EBF4: variants seen among roughly 807,000 people sequenced by gnomAD.
EBF4 encodes the protein EBF transcription factor 4, also known as transcription factor COE4.
Under a neutral mutation model 67.1 loss-of-function variants are expected in EBF4, and 34 were observed. The observed-to-expected ratio is 0.51, with a 90% confidence interval of 0.39 to 0.67. The LOEUF (loss-of-function observed/expected upper bound fraction) is 0.67. EBF4 is among the 30% of genes least tolerant of loss of function. The probability of loss-of-function intolerance (pLI) is 0.00; values close to 1 mark genes in which losing one functional copy is unlikely to be tolerated. For missense variants in EBF4, 837 were observed against 873.3 expected, an observed-to-expected ratio of 0.96 and a Z score of 0.52; for synonymous variants, 387 against 377.7, an observed-to-expected ratio of 1.02 and a Z score of -0.29.
chr20:2,754,980 A>AGC (rs2088218431), intron 14 of EBF4: 1 of 97,336 alleles, frequency 1.0e-5, no homozygotes, highest in Non-Finnish European at 2.1e-5. Context: ...ACCCCCCCCC[A>AGC]CAGGGCCCAG....
chr20:2,712,176 T>C (rs997749898), intron 6 of EBF4, among the ~76,000 whole-genome samples: 1 of 152,108 alleles, frequency 6.6e-6, no homozygotes, highest in African/African-American at 2.4e-5. Flanking sequence ...TTGAGGGGTG[T>C]TGAGAATGAT....
At position 2,759,261 on chromosome 20, in the gene EBF4, C is replaced by A; in HGVS notation, c.*6-7C>A. ...GACCTTCTTCTCTCCCTCTCTCGCC[C>A]CACCAGGTCTGCAGCTGTTCCCATG... is the stretch of plus-strand genomic sequence containing the variant. On this transcript the variant is annotated splice_region_variant and splice_polypyrimidine_tract_variant and intron_variant, in intron 16 of 16. Transcript: ENST00000609451. 1 of 504,378 alleles carries A rather than the reference C, an allele frequency of 2.0e-6. No homozygotes were observed. Among genetic ancestry groups the A allele is most frequent in the Admixed American group, 3.2e-5 (1 of 31,076 alleles). The allele number at this position is 504,378 out of a possible 1,614,324, so 31.2% of individuals were successfully genotyped here.
intron 6 of EBF4, among the ~76,000 whole-genome samples, chr20:2,736,351 C>T (rs527613498): frequency 6.6e-6 from 1 of 152,274 alleles, no homozygotes; most frequent in East Asian, 1.9e-4. Context: ...CAAAGGTAAG[C>T]TCTGGTCTAC....
At chr20:2,740,761 T>G (rs536418147) in intron 6 of EBF4, among the ~76,000 whole-genome samples, 1 of 151,682 alleles carries the variant, frequency 6.6e-6, no homozygotes, top group Non-Finnish European at 1.5e-5. Flanking sequence ...AAGGAGGTGG[T>G]CTCGGTCGGA....
Position 2,705,836 on chromosome 20 carries a change from C to T in EBF4, c.294+103C>T, listed in dbSNP as rs1000755833. Reference sequence around the variant, plus strand: ...ACACACACACACACACACACACACACACTGGGACAGATGAATGGATGGAAG... The same window carrying T: ...ACACACACACACACACACACACACATACTGGGACAGATGAATGGATGGAAG... On this transcript the variant is annotated intron_variant, in intron 2 of 16. Transcript: ENST00000609451. The T allele has an allele frequency of 6.7e-6, 9 of 1,335,296 alleles. No individual in the cohort carries two copies. In the African/African-American group the frequency reaches 1.5e-4, roughly 22 times the overall value. The allele number at this position is 1,335,296 out of a possible 1,614,324, so 82.7% of individuals were successfully genotyped here. A position where few individuals can be genotyped will look rare whatever the true frequency, so the allele number is the denominator to read the frequency against.
At chr20:2,759,453 G>A (rs2088293496), downstream of EBF4, 3 of 213,478 alleles carry the variant, frequency 1.4e-5, no homozygotes, top group Admixed American at 5.1e-5. Context: ...GGCTTCTCTC[G>A]CCTCCCTGTC....
At chr20:2,742,805 A>T (rs959101209) in intron 6 of EBF4, among the ~76,000 whole-genome samples, 5 of 152,116 alleles carry the variant, frequency 3.3e-5, no homozygotes, top group Admixed American at 2.0e-4. Flanking sequence ...CCCCAGGCTC[A>T]TCCAAGCTTT....
In EBF4 at chr20:2,751,972, G is replaced by T. The variant is rs1222219490; in HGVS notation, c.1158G>T (p.Val386=). ...ACTTGGCAGAAGCCCTGTACGGAGT[G>T]CCCGGCAGTAACCAGGTATGGCGCC... The change falls in exon 12 of 17, where the codon GTG becomes GTT. Residue 386 remains valine (V), a synonymous_variant. Coordinates refer to ENST00000609451, the Ensembl canonical transcript of EBF4. The surrounding 1 kb of genome is among the most constrained non-coding windows in gnomAD (Gnocchi z 5.2). The T allele has an allele frequency of 6.5e-7, 1 of 1,548,496 alleles. No homozygotes were observed. The highest frequency in any genetic ancestry group is 2.4e-5 in the East Asian group (1 of 40,882).
upstream of EBF4, chr20:2,693,540 G>A (rs2146351748): frequency 6.3e-6 from 8 of 1,262,824 alleles, no homozygotes; most frequent in South Asian, 1.5e-4. The surrounding 1 kb of genome is among the most constrained non-coding windows in gnomAD (Gnocchi z 4.6). Context: ...TCGGCGCTGC[G>A]CTGCTGGAGG....
At chr20:2,702,808 C>A (rs2087395181) in intron 1 of EBF4, among the ~76,000 whole-genome samples, 1 of 152,198 alleles carries the variant, frequency 6.6e-6, no homozygotes, top group South Asian at 2.1e-4. Context: ...AGTTCCCCAT[C>A]CTGGTCACTC....
Position 2,745,785 on chromosome 20 carries a change from G to A in EBF4, c.558-2764G>A, listed in dbSNP as rs555854707. On this transcript the variant is annotated intron_variant, in intron 6 of 16. Coordinates refer to ENST00000609451, the Ensembl canonical transcript of EBF4. This position sits in a 1 kb window ranked among gnomAD's most constrained non-coding sequence, Gnocchi z 5.2. ...GGGTGTGGAAGGATTTACCTACCCCGGGTCATGCAGAGAGTCCAGGCCTGG... is the reference window on the plus strand; with the variant it reads ...GGGTGTGGAAGGATTTACCTACCCCAGGTCATGCAGAGAGTCCAGGCCTGG... Among the ~76,000 whole-genome samples, 4 of 152,252 alleles carry A rather than the reference G, an allele frequency of 2.6e-5. No homozygotes were observed. Among genetic ancestry groups the A allele is most frequent in the African/African-American group, 7.2e-5 (3 of 41,544 alleles).
At chr20:2,719,078 A>G (rs1188780200) in intron 6 of EBF4, among the ~76,000 whole-genome samples, 3 of 151,874 alleles carry the variant, frequency 2.0e-5, no homozygotes. Flanking sequence ...GAATCTTTTT[A>G]TTATCAATTT....
chr20:2,693,023 G>T (rs925644992), upstream of EBF4: 998 of 149,690 alleles, frequency 6.7e-3, 6 homozygotes, highest in Non-Finnish European at 0.011. This position sits in a 1 kb window ranked among gnomAD's most constrained non-coding sequence, Gnocchi z 4.6. Context: ...CGGCGGCGGC[G>T]TCTGCTGGCC....
At chr20:2,758,480 G>A (rs1247873208) in intron 15 of EBF4, among the ~76,000 whole-genome samples, 8 of 152,178 alleles carry the variant, frequency 5.3e-5, no homozygotes. Context: ...CATGGGAGGG[G>A]GTCAGGTAGG....
intron 1 of EBF4, among the ~76,000 whole-genome samples, chr20:2,701,819 C>T (rs1271927554): frequency 6.6e-6 from 1 of 152,236 alleles, no homozygotes; most frequent in African/African-American, 2.4e-5. Context: ...TCTCCTCTGG[C>T]CTTCTCTCCC....
chr20:2,698,230 T>C (rs540529206), intron 1 of EBF4, among the ~76,000 whole-genome samples: 1 of 152,288 alleles, frequency 6.6e-6, no homozygotes, highest in African/African-American at 2.4e-5. Flanking sequence ...GGGCAGCTGC[T>C]GGGGGCAGTG....
intron 1 of EBF4, among the ~76,000 whole-genome samples, chr20:2,695,350 C>T (rs537892212): frequency 9.2e-5 from 14 of 152,218 alleles, no homozygotes; most frequent in Admixed American, 3.3e-4. Context: ...TTGGAGACTG[C>T]GTGGGGTTCA....
At chr20:2,737,589 G>T (rs966596916) in intron 6 of EBF4, among the ~76,000 whole-genome samples, 7 of 152,128 alleles carry the variant, frequency 4.6e-5, no homozygotes. Context: ...GCCCAGCACA[G>T]TGACTGCCTC....
chr20:2,744,774 G>A (rs1349893643), intron 6 of EBF4, among the ~76,000 whole-genome samples: 1 of 151,970 alleles, frequency 6.6e-6, no homozygotes, highest in Non-Finnish European at 1.5e-5. Flanking sequence ...TTACAGGCAC[G>A]AGCCACTGAG....
Sources: allele counts gnomAD v4.1 joint callset (sites outside exome capture counted in the v4.1 genomes callset), GRCh38; gene constraint gnomAD v4.1.1; non-coding constraint Gnocchi (gnomAD v3.1); transcripts MANE v1.5; gene names NCBI Gene and HGNC (gene_info 2026-07-23, HGNC 2026-07-21).